ERI3: variants seen among roughly 807,000 people sequenced by gnomAD.
The protein encoded by ERI3 is ERI1 exoribonuclease 3.
A neutral mutation model predicts 44.4 loss-of-function variants in ERI3; 18 were observed. The observed-to-expected ratio is 0.41, with a 90% confidence interval of 0.28 to 0.60. The LOEUF (loss-of-function observed/expected upper bound fraction) is 0.60, where lower values mean the gene tolerates loss of function less well. Among genes scored for constraint, ERI3 ranks in the 20% least tolerant of loss-of-function variants. The pLI, the probability that ERI3 is intolerant of heterozygous loss-of-function variation, is 0.36. For synonymous variants in ERI3, 183 were observed against 164.8 expected (o/e 1.11, Z -0.84); for missense variants, 294 against 435.5 (o/e 0.68, Z 2.89).
At chr1:44,334,383 C>T (rs1004862767) in intron 3 of ERI3, among the ~76,000 whole-genome samples, 6 of 152,232 alleles carry the variant, frequency 3.9e-5, no homozygotes, top group Admixed American at 6.5e-5. Flanking sequence ...ACAACCATCA[C>T]TCGGTGCACA....
intron 6 of ERI3, among the ~76,000 whole-genome samples, chr1:44,296,594 T>A (rs1397953945): frequency 1.3e-5 from 2 of 152,218 alleles, no homozygotes; most frequent in Non-Finnish European, 2.9e-5. Context: ...GCAAATGTTC[T>A]GTAACCCTAA....
At chr1:44,266,945 G>T (rs1007862803) in intron 7 of ERI3, among the ~76,000 whole-genome samples, 2 of 152,190 alleles carry the variant, frequency 1.3e-5, no homozygotes, top group African/African-American at 4.8e-5. Context: ...TTCCTAGATA[G>T]GCTCGTCCTG....
At chr1:44,287,831 T>C (rs114179953) in intron 6 of ERI3, among the ~76,000 whole-genome samples, 2,104 of 152,290 alleles carry the variant, frequency 0.014, 49 homozygotes, top group African/African-American at 0.048. Flanking sequence ...TTAAGGTCTA[T>C]GAGTGAAGGG....
intron 3 of ERI3, among the ~76,000 whole-genome samples, chr1:44,336,044 T>C (rs1166375347): frequency 6.6e-6 from 1 of 152,244 alleles, no homozygotes; most frequent in African/African-American, 2.4e-5. Context: ...ATTTATTCAG[T>C]CTGAACAAGA....
At chr1:44,332,571 C>T (rs773155110) in intron 3 of ERI3, among the ~76,000 whole-genome samples, 2 of 152,212 alleles carry the variant, frequency 1.3e-5, no homozygotes, top group Non-Finnish European at 2.9e-5. Flanking sequence ...CTCTGCTATG[C>T]CAAACACACA....
intron 8 of ERI3, chr1:44,243,566 G>A (rs1233186689): frequency 6.6e-6 from 1 of 152,266 alleles, no homozygotes; most frequent in African/African-American, 2.4e-5. Flanking sequence ...GACTCCCAGA[G>A]GAGGTGGCCC....
At chr1:44,233,443 G>A (rs972321405) in intron 8 of ERI3, among the ~76,000 whole-genome samples, 7 of 147,470 alleles carry the variant, frequency 4.7e-5, no homozygotes, top group South Asian at 2.2e-4. Context: ...TCACTCTGTC[G>A]TCCAGGCTGG....
chr1:44,254,414 GTCTATCCCCTTT>G (rs1391516938), intron 7 of ERI3, among the ~76,000 whole-genome samples: 2 of 152,016 alleles, frequency 1.3e-5, no homozygotes, highest in African/African-American at 4.8e-5. Context: ...CCCCTAGTCT[GTCTATCCCCTTT>G]TCGGGCTTCA....
chr1:44,320,929 G>C (rs1049584045), intron 3 of ERI3, among the ~76,000 whole-genome samples: 1 of 152,162 alleles, frequency 6.6e-6, no homozygotes, highest in African/African-American at 2.4e-5. Flanking sequence ...CTAATAGTCA[G>C]CTCCAGCAGC....
At chr1:44,327,213 C>T (rs909335678) in intron 3 of ERI3, among the ~76,000 whole-genome samples, 6 of 152,154 alleles carry the variant, frequency 3.9e-5, no homozygotes, top group African/African-American at 1.4e-4. Flanking sequence ...CTGGAGGCAT[C>T]ACTAAGGAAG....
upstream of ERI3, chr1:44,355,262 C>T: frequency 8.6e-7 from 1 of 1,156,690 alleles, no homozygotes; most frequent in Non-Finnish European, 1.1e-6. Flanking sequence ...CGACTCACCT[C>T]CGCGCACTCT....
intron 7 of ERI3, among the ~76,000 whole-genome samples, chr1:44,254,893 C>T (rs1644751770): frequency 6.6e-6 from 1 of 151,504 alleles, no homozygotes; most frequent in African/African-American, 2.4e-5. Context: ...CTTGCTCCAT[C>T]TAGTATTTCT....
chr1:44,258,032 C>G (rs567779713), intron 7 of ERI3, among the ~76,000 whole-genome samples: 15 of 152,300 alleles, frequency 9.8e-5, no homozygotes, highest in African/African-American at 1.9e-4. Context: ...CTCCCACCCC[C>G]CTTCCTGATA....
intron 8 of ERI3, among the ~76,000 whole-genome samples, chr1:44,225,887 G>A (rs907309007): frequency 1.3e-5 from 2 of 152,182 alleles, no homozygotes; most frequent in Non-Finnish European, 2.9e-5. Flanking sequence ...GCAAACATGC[G>A]CTGACACCTT....
chr1:44,263,357 G>A (rs1299203989), intron 7 of ERI3, among the ~76,000 whole-genome samples: 1 of 152,200 alleles, frequency 6.6e-6, no homozygotes, highest in Non-Finnish European at 1.5e-5. Flanking sequence ...CAGCCAGCTG[G>A]TGCCCTGGCT....
At chr1:44,325,103 G>C (rs1279788179) in intron 3 of ERI3, among the ~76,000 whole-genome samples, 2 of 137,196 alleles carry the variant, frequency 1.5e-5, no homozygotes, top group South Asian at 2.3e-4. Context: ...TTGAGTCGGA[G>C]TCTCACTCTG....
chr1:44,250,529 G>A (rs558816983), intron 7 of ERI3, among the ~76,000 whole-genome samples: 9 of 152,346 alleles, frequency 5.9e-5, no homozygotes, highest in South Asian at 2.1e-4. Context: ...GCAGGAAAGC[G>A]AAGGTGCCAG....
At chr1:44,325,572 G>A (rs1292793589) in intron 3 of ERI3, among the ~76,000 whole-genome samples, 1 of 152,208 alleles carries the variant, frequency 6.6e-6, no homozygotes, top group African/African-American at 2.4e-5. Context: ...TAAATTTGAA[G>A]ATAGAATAAC....
At chr1:44,308,842 C>T (rs563196152) in intron 5 of ERI3, among the ~76,000 whole-genome samples, 25 of 152,300 alleles carry the variant, frequency 1.6e-4, no homozygotes, top group Admixed American at 3.3e-4. Context: ...TACTCTTCTA[C>T]CAAATGTTTA....
Sources: gnomAD v4.1 joint callset for allele counts (sites outside exome capture counted in the v4.1 genomes callset) on GRCh38, gnomAD v4.1.1 for gene constraint, MANE v1.5 for transcripts, NCBI Gene and HGNC (gene_info 2026-07-23, HGNC 2026-07-21) for gene names.